PLEKHF2: variants seen among roughly 807,000 people sequenced by gnomAD.
PLEKHF2 encodes the protein pleckstrin homology and FYVE domain containing 2.
In PLEKHF2, 4 loss-of-function variants were observed where a neutral mutation model predicts 14.7. That is an observed-to-expected ratio of 0.27 (90% CI 0.13 to 0.62). The LOEUF is 0.62. Ranked by LOEUF, PLEKHF2 falls within the 20% of genes least tolerant of loss-of-function variation. PLEKHF2 has a pLI of 0.85. For missense variants in PLEKHF2, 201 were observed against 307.7 expected, an observed-to-expected ratio of 0.65 and a Z score of 2.60; for synonymous variants, 90 against 103.5, an observed-to-expected ratio of 0.87 and a Z score of 0.79.
In PLEKHF2 at chr8:95,156,614, G is replaced by A. The variant is rs1810623084; in HGVS notation, c.*1820G>A. 1 of 167,014 alleles carries A rather than the reference G, an allele frequency of 6.0e-6. No homozygotes were observed. The highest frequency in any genetic ancestry group is 2.1e-4 in the South Asian group (1 of 4,830). The allele number at this position is 167,014 out of a possible 1,614,324, so 10.3% of individuals were successfully genotyped here. A position where few individuals can be genotyped will look rare whatever the true frequency, so the allele number is the denominator to read the frequency against. The stretch of plus-strand genomic sequence containing the variant: ...GCAAATTCAGGAACCAAGGGGAAAT[G>A]TTGTGAGATAACATTTACATTGTCA... On this transcript the variant is annotated 3_prime_UTR_variant, in exon 2 of 2. Transcript: ENST00000315367.
chr8:95,150,000 C>A (rs1321668553), intron 1 of PLEKHF2, among the ~76,000 whole-genome samples: 1 of 152,062 alleles, frequency 6.6e-6, no homozygotes, highest in East Asian at 1.9e-4. Context: ...AAGGGAGAGG[C>A]CTTGCTTAGG....
intron 1 of PLEKHF2, among the ~76,000 whole-genome samples, chr8:95,149,100 C>T (rs1810531851): frequency 6.6e-6 from 1 of 152,018 alleles, no homozygotes; most frequent in South Asian, 2.1e-4. Context: ...CTTTAAAATG[C>T]AAGTGATTAA....
intron 1 of PLEKHF2, among the ~76,000 whole-genome samples, chr8:95,145,732 C>G (rs1407214128): frequency 6.6e-6 from 1 of 152,144 alleles, no homozygotes; most frequent in Non-Finnish European, 1.5e-5. Flanking sequence ...CCAAGTATTT[C>G]TTTTTTGCTT....
intron 1 of PLEKHF2, among the ~76,000 whole-genome samples, chr8:95,141,246 A>T (rs1313779741): frequency 6.6e-6 from 1 of 152,150 alleles, no homozygotes; most frequent in Non-Finnish European, 1.5e-5. Flanking sequence ...TCTGAATCTG[A>T]CCTATCCTTT....
chr8:95,148,700 C>CA (rs1378122761), intron 1 of PLEKHF2, among the ~76,000 whole-genome samples: 2 of 152,024 alleles, frequency 1.3e-5, no homozygotes, highest in African/African-American at 4.8e-5. Context: ...TTCCCATGTA[C>CA]AAGTAAGGAT....
chr8:95,145,227 T>G (rs1179473536), intron 1 of PLEKHF2, among the ~76,000 whole-genome samples: 1 of 152,186 alleles, frequency 6.6e-6, no homozygotes, highest in African/African-American at 2.4e-5. Context: ...TTAATACATT[T>G]AAAATTAACA....
In PLEKHF2 at chr8:95,133,839, C is replaced by T. The variant is rs1282872261; in HGVS notation, c.-206C>T. On this transcript the variant is annotated 5_prime_UTR_variant, in exon 1 of 2. Coordinates refer to ENST00000315367, the MANE Select transcript of PLEKHF2 (RefSeq NM_024613.4). Reference sequence around the variant, plus strand: ...TTCGACTGGAGGGGCGGGGGAGTCACCTGCGAGCGGCTGCGCTGGCGGCCA... The same window carrying T: ...TTCGACTGGAGGGGCGGGGGAGTCATCTGCGAGCGGCTGCGCTGGCGGCCA... 1 of 152,558 alleles carries T rather than the reference C, an allele frequency of 6.6e-6. No individual in the cohort carries two copies. Among genetic ancestry groups the T allele is most frequent in the Non-Finnish European group, 1.5e-5 (1 of 68,398 alleles). 9.5% of individuals were successfully genotyped at this position (152,558 alleles called of 1,614,324 possible). A position where few individuals can be genotyped will look rare whatever the true frequency, so the allele number is the denominator to read the frequency against.
chr8:95,150,122 C>G (rs1810540262), intron 1 of PLEKHF2, among the ~76,000 whole-genome samples: 1 of 152,088 alleles, frequency 6.6e-6, no homozygotes, highest in Non-Finnish European at 1.5e-5. Flanking sequence ...GATAACCTCT[C>G]TCCACTCCTT....
intron 1 of PLEKHF2, among the ~76,000 whole-genome samples, chr8:95,141,450 C>T (rs1020650804): frequency 1.3e-5 from 2 of 152,140 alleles, no homozygotes; most frequent in African/African-American, 4.8e-5. Context: ...TAGATATTAA[C>T]AAGATTTTGT....
intron 1 of PLEKHF2, among the ~76,000 whole-genome samples, chr8:95,145,568 C>G (rs981549964): frequency 6.6e-6 from 1 of 152,024 alleles, no homozygotes; most frequent in South Asian, 2.1e-4. Context: ...GGACTACAGG[C>G]ACCCACCACC....
At chr8:95,145,651 C>T (rs955095178) in intron 1 of PLEKHF2, among the ~76,000 whole-genome samples, 1 of 152,106 alleles carries the variant, frequency 6.6e-6, no homozygotes, top group East Asian at 1.9e-4. Flanking sequence ...GTCTCGATCT[C>T]CTGACCTTGT....
At position 95,142,380 on chromosome 8, in the gene PLEKHF2, G is replaced by A. The variant is rs1810449246; in HGVS notation, c.-15+8350G>A. Reference sequence around the variant, plus strand: ...AGCTGTCCTCCCGCCTCAGCCTCCCGAGTAGCTGGGACCACAAGTGCACAC... The same window carrying A: ...AGCTGTCCTCCCGCCTCAGCCTCCCAAGTAGCTGGGACCACAAGTGCACAC... On this transcript the variant is annotated intron_variant, in intron 1 of 1. Transcript: ENST00000315367. Among the ~76,000 whole-genome samples the A allele has an allele frequency of 2.0e-5, 3 of 152,054 alleles. 1 individual carries two copies. Among genetic ancestry groups the A allele is most frequent in the East Asian group, 3.9e-4 (2 of 5,174 alleles).
intron 1 of PLEKHF2, among the ~76,000 whole-genome samples, chr8:95,136,806 G>A (rs1029099282): frequency 2.0e-5 from 3 of 152,190 alleles, no homozygotes; most frequent in Non-Finnish European, 4.4e-5. Flanking sequence ...CAATGTATGT[G>A]TTGACTTAAC....
At chr8:95,151,794 A>T (rs2132110968) in intron 1 of PLEKHF2, among the ~76,000 whole-genome samples, 1 of 152,194 alleles carries the variant, frequency 6.6e-6, no homozygotes, top group Admixed American at 6.5e-5. Flanking sequence ...GGAATGCTTG[A>T]ATATAATGTA....
intron 1 of PLEKHF2, among the ~76,000 whole-genome samples, chr8:95,135,700 A>G (rs748403292): frequency 5.3e-5 from 8 of 152,228 alleles, no homozygotes; most frequent in Non-Finnish European, 1.0e-4. Context: ...TTTTTTATTT[A>G]GAAATGAAAT....
At chr8:95,142,894 G>T (rs1461128215) in intron 1 of PLEKHF2, among the ~76,000 whole-genome samples, 2 of 152,138 alleles carry the variant, frequency 1.3e-5, no homozygotes, top group African/African-American at 4.8e-5. Context: ...GATGGGTAGG[G>T]TGTGGTTCCT....
At chr8:95,148,098 A>T (rs1810519246) in intron 1 of PLEKHF2, among the ~76,000 whole-genome samples, 1 of 151,996 alleles carries the variant, frequency 6.6e-6, no homozygotes, top group Non-Finnish European at 1.5e-5. Context: ...TCAAAGTTTC[A>T]TTCAAAGGAT....
At chr8:95,140,246 C>T (rs1426478129) in intron 1 of PLEKHF2, among the ~76,000 whole-genome samples, 3 of 152,196 alleles carry the variant, frequency 2.0e-5, no homozygotes, top group Admixed American at 6.5e-5. Context: ...CCTTTTTCAT[C>T]CATGTGTTCA....
chr8:95,147,517 G>A (rs1810512395), intron 1 of PLEKHF2, among the ~76,000 whole-genome samples: 1 of 151,944 alleles, frequency 6.6e-6, no homozygotes, highest in Non-Finnish European at 1.5e-5. Context: ...CTAGTGTGCA[G>A]TTACCATATG....
Sources: allele counts gnomAD v4.1 joint callset (sites outside exome capture counted in the v4.1 genomes callset), GRCh38; gene constraint gnomAD v4.1.1; transcripts MANE v1.5; gene names NCBI Gene and HGNC (gene_info 2026-07-23, HGNC 2026-07-21).